The following RRM2 variants were observed in gnomAD, a reference collection of about 807,000 sequenced individuals.
RRM2 encodes ribonucleoside-diphosphate reductase subunit M2.
RRM2 carries 6 observed loss-of-function variants against 45.9 expected under a neutral mutation model. The observed-to-expected ratio is 0.13, with a 90% confidence interval of 0.07 to 0.26. RRM2 has a LOEUF of 0.26. RRM2 is among the 10% of genes least tolerant of loss of function. The pLI is 1.00. For synonymous variants in RRM2, 177 were observed against 173.0 expected (o/e 1.02, Z -0.18); for missense variants, 343 against 489.5 (o/e 0.70, Z 2.82).
chr2:10,143,075 G>C (rs1022893565), intron 3 of RRM2, among the ~76,000 whole-genome samples: 1 of 152,152 alleles, frequency 6.6e-6, no homozygotes, highest in Non-Finnish European at 1.5e-5. Context: ...GAGTTTCACC[G>C]TGTTAGCCAG....
At chr2:10,154,330 A>C (rs1419754802) in intron 3 of RRM2, among the ~76,000 whole-genome samples, 1 of 147,272 alleles carries the variant, frequency 6.8e-6, no homozygotes, top group Non-Finnish European at 1.5e-5. Context: ...TACAAAAATT[A>C]GCTGGGTGTG....
intron 3 of RRM2, among the ~76,000 whole-genome samples, chr2:10,191,060 G>T (rs529069912): frequency 3.3e-5 from 5 of 152,182 alleles, no homozygotes; most frequent in South Asian, 2.1e-4. Context: ...GAGCACAAAG[G>T]CATGGCGAGA....
intron 3 of RRM2, among the ~76,000 whole-genome samples, chr2:10,207,156 C>A (rs574419534): frequency 4.2e-4 from 64 of 152,282 alleles, no homozygotes; most frequent in African/African-American, 1.5e-3. Flanking sequence ...ACCACAGTCA[C>A]TTGGGCCAGA....
upstream of RRM2, among the ~76,000 whole-genome samples, chr2:10,136,675 A>G (rs1424504912): frequency 6.6e-6 from 1 of 152,202 alleles, no homozygotes; most frequent in Non-Finnish European, 1.5e-5. Context: ...CAAGAGGCTG[A>G]GGCAGAAGGA....
downstream of RRM2, among the ~76,000 whole-genome samples, chr2:10,133,475 C>T (rs3814390): frequency 1.2e-4 from 19 of 152,292 alleles, no homozygotes; most frequent in East Asian, 3.7e-3. Context: ...GATCAGTGGC[C>T]CTGCCAGTGT....
chr2:10,122,687 C>T (rs1662678739), upstream of RRM2: 1 of 1,550,604 alleles, frequency 6.4e-7, no homozygotes, highest in African/African-American at 1.4e-5. Context: ...TGGGAAGGGC[C>T]GGGAGCGCGC....
At chr2:10,159,978 C>T (rs1480999073) in intron 3 of RRM2, among the ~76,000 whole-genome samples, 1 of 152,072 alleles carries the variant, frequency 6.6e-6, no homozygotes, top group Non-Finnish European at 1.5e-5. Flanking sequence ...ATCCCCAGGG[C>T]CCTCGGGGGA....
intron 2 of RRM2, chr2:10,142,192 T>C: frequency 6.4e-7 from 1 of 1,566,716 alleles, no homozygotes; most frequent in Non-Finnish European, 8.7e-7. Flanking sequence ...GCTGGGTCAG[T>C]GGAGTGGGTG....
Position 10,123,007 on chromosome 2 carries a change from G to C in RRM2, c.124G>C (p.Val42Leu). 1 of 1,563,566 alleles carries C rather than the reference G, an allele frequency of 6.4e-7. No individual in the cohort carries two copies. ...NTPPALSGTR[V>L]LASKTARRIF... ...GCCGCCGGCCCTGAGCGGGACCCGC[G>C]TCCTGGCCAGCAAGACCGCGAGGAG... is the stretch of plus-strand genomic sequence containing the variant. Residue 42 changes from valine (V) to leucine (L), a missense_variant, in exon 2 of 10, where the codon GTC becomes CTC. Physicochemically the swap from Val to Leu is conservative, Grantham distance 32. Coordinates refer to ENST00000304567, the MANE Select transcript of RRM2 (RefSeq NM_001034.4).
intron 3 of RRM2, among the ~76,000 whole-genome samples, chr2:10,166,636 G>A (rs1287516928): frequency 6.6e-6 from 1 of 152,236 alleles, no homozygotes. Flanking sequence ...TCTGCGATGC[G>A]TAGCTAGCAG....
rs555089711 is a variant in RRM2, at chr2:10,184,478, G to A, written n.483-25833G>A. 6.6e-4 allele frequency among the ~76,000 whole-genome samples: 100 copies of A among 152,260 alleles called. 1 individual carries two copies. The highest frequency in any genetic ancestry group is 2.8e-4 in the Non-Finnish European group (19 of 68,050). ...ACAAAAGCAATGAAAGTCTCACGTTGTGGGAGGCCCTGAGTCCTGGGCAAA... is the reference window on the plus strand; with the variant it reads ...ACAAAAGCAATGAAAGTCTCACGTTATGGGAGGCCCTGAGTCCTGGGCAAA... On this transcript the variant is annotated intron_variant and non_coding_transcript_variant, in intron 3 of 3. Coordinates refer to the RRM2 transcript ENST00000381786.
upstream of RRM2, among the ~76,000 whole-genome samples, chr2:10,139,860 A>G (rs150065681): frequency 4.1e-3 from 625 of 152,256 alleles, 4 homozygotes; most frequent in African/African-American, 0.014. Context: ...GGATCCTCCA[A>G]TGTTAACGGA....
intron 3 of RRM2, among the ~76,000 whole-genome samples, chr2:10,160,624 C>T (rs1034004096): frequency 6.6e-6 from 1 of 152,112 alleles, no homozygotes; most frequent in African/African-American, 2.4e-5. Flanking sequence ...AGGTTTGGGT[C>T]CCCTCTCCCC....
intron 3 of RRM2, among the ~76,000 whole-genome samples, chr2:10,187,364 C>T (rs1052538154): frequency 1.3e-5 from 2 of 152,234 alleles, no homozygotes; most frequent in African/African-American, 4.8e-5. Context: ...TCAGAGGGGG[C>T]GTGGGAGCTG....
intron 7 of RRM2, among the ~76,000 whole-genome samples, chr2:10,128,027 A>G (rs945211696): frequency 2.6e-5 from 4 of 151,898 alleles, no homozygotes; most frequent in East Asian, 2.0e-4. Context: ...TTAGCCGGGT[A>G]TGGTGGACGT....
chr2:10,210,731 G>C, exon 4 of RRM2: 1 of 683,074 alleles, frequency 1.5e-6, no homozygotes, highest in South Asian at 1.7e-5. Context: ...GAGCACTGTG[G>C]ACTGAATGCC....
At position 10,205,908 on chromosome 2, in the gene RRM2, G is replaced by A. The variant is rs1035845053; in HGVS notation, n.483-4403G>A. On this transcript the variant is annotated intron_variant and non_coding_transcript_variant, in intron 3 of 3. Transcript: ENST00000381786. This position sits in a 1 kb window ranked among gnomAD's most constrained non-coding sequence, Gnocchi z 4.8. The stretch of plus-strand genomic sequence containing the variant: ...GGTTTTCACCACGTTGACCAGGCTG[G>A]TCTCGAACTCCTGACCTCATATGAT... Among the ~76,000 whole-genome samples, 2 of 151,940 alleles carry A rather than the reference G, an allele frequency of 1.3e-5. No individual in the cohort carries two copies. Among genetic ancestry groups the A allele is most frequent in the Admixed American group, 6.5e-5 (1 of 15,280 alleles).
chr2:10,129,674 T>C lies in RRM2; in HGVS notation c.*288T>C. 1 of 349,360 alleles carries C rather than the reference T, an allele frequency of 2.9e-6. No homozygotes were observed. 21.6% of individuals were successfully genotyped at this position (349,360 alleles called of 1,614,324 possible). A position where few individuals can be genotyped will look rare whatever the true frequency, so the allele number is the denominator to read the frequency against. Reference sequence around the variant, plus strand: ...TTTAGTGAGCTTAGCACAGCGGGATTAAACAGTCCTTTAACCAGCACAGCC... The same window carrying C: ...TTTAGTGAGCTTAGCACAGCGGGATCAAACAGTCCTTTAACCAGCACAGCC... On this transcript the variant is annotated 3_prime_UTR_variant, in exon 10 of 10. Transcript: ENST00000304567. The surrounding 1 kb of genome is among the most constrained non-coding windows in gnomAD (Gnocchi z 4.8).
chr2:10,158,040 A>G (rs1434672488), intron 3 of RRM2, among the ~76,000 whole-genome samples: 1 of 152,204 alleles, frequency 6.6e-6, no homozygotes, highest in Non-Finnish European at 1.5e-5. Context: ...GAAGAGCATT[A>G]TTGGGTACTC....
Sources: allele counts gnomAD v4.1 joint callset (sites outside exome capture counted in the v4.1 genomes callset), GRCh38; gene constraint gnomAD v4.1.1; non-coding constraint Gnocchi (gnomAD v3.1); transcripts MANE v1.5; gene names NCBI Gene and HGNC (gene_info 2026-07-23, HGNC 2026-07-21).